The following AGBL4 variants were observed in gnomAD, a reference collection of about 807,000 sequenced individuals.
AGBL4 encodes AGBL carboxypeptidase 4, also known as cytosolic carboxypeptidase 6.
In AGBL4, 58 loss-of-function variants were observed where a neutral mutation model predicts 66.4. The ratio of observed to expected loss-of-function variants is 0.87; its 90% CI spans 0.71 to 1.09. AGBL4 has a LOEUF of 1.09. AGBL4 is among the 50% of genes least tolerant of loss of function. AGBL4 has a pLI of 0.00. For missense variants in AGBL4, 579 were observed against 631.0 expected (o/e 0.92, Z 0.88); for synonymous variants, 234 against 222.9 (o/e 1.05, Z -0.44).
intron 3 of AGBL4, among the ~76,000 whole-genome samples, chr1:49,687,398 T>C (rs924174900): frequency 6.6e-6 from 1 of 152,136 alleles, no homozygotes; most frequent in South Asian, 2.1e-4. Flanking sequence ...AACTTAATAA[T>C]AGGAATAGTT....
rs1333073848 is a variant in AGBL4, at chr1:49,357,775, G to A, written c.283-111911C>T. ...TCTTTAGAGTATTCGTGAAAAATAAGGAGAAACAGTACTTGGCACTCAGTA... is the reference window on the plus strand; with the variant it reads ...TCTTTAGAGTATTCGTGAAAAATAAAGAGAAACAGTACTTGGCACTCAGTA... On this transcript the variant is annotated intron_variant, in intron 3 of 13. Coordinates refer to ENST00000371839, the MANE Select transcript of AGBL4 (RefSeq NM_032785.4). Among the ~76,000 whole-genome samples the A allele has an allele frequency of 2.0e-5, 3 of 152,260 alleles. No individual in the cohort carries two copies. In the East Asian group the frequency reaches 5.8e-4, roughly 29 times the overall value.
chr1:49,036,777 G>T (rs1443841461), intron 5 of AGBL4, among the ~76,000 whole-genome samples: 2 of 149,736 alleles, frequency 1.3e-5, no homozygotes, highest in Non-Finnish European at 3.0e-5. Context: ...GCCCAGGCTG[G>T]TCTTGAACTC....
chr1:49,640,284 T>C (rs1294945295), intron 3 of AGBL4, among the ~76,000 whole-genome samples: 1 of 152,152 alleles, frequency 6.6e-6, no homozygotes, highest in South Asian at 2.1e-4. Flanking sequence ...GTGATGGGGA[T>C]TTAAACAATG....
chr1:49,257,445 G>A (rs139977344), intron 3 of AGBL4: 2 of 156,146 alleles, frequency 1.3e-5, no homozygotes, highest in East Asian at 1.9e-4. Flanking sequence ...AGCAATCAGC[G>A]AGACTCCGTG....
chr1:49,341,466 G>A (rs1394899457), intron 3 of AGBL4, among the ~76,000 whole-genome samples: 1 of 152,172 alleles, frequency 6.6e-6, no homozygotes, highest in African/African-American at 2.4e-5. Context: ...CAAGATGCTT[G>A]TTGAACTTGG....
intron 2 of AGBL4, chr1:49,846,039 C>T: frequency 1.3e-6 from 2 of 1,592,212 alleles, no homozygotes; most frequent in Non-Finnish European, 1.7e-6. Context: ...AGTCAGCTTG[C>T]TCCCCTCATT....
At chr1:49,101,641 T>C (rs1364956571) in intron 4 of AGBL4, among the ~76,000 whole-genome samples, 1 of 152,154 alleles carries the variant, frequency 6.6e-6, no homozygotes, top group Non-Finnish European at 1.5e-5. Flanking sequence ...TGAAATTTAG[T>C]AGGGGTGTGG....
Position 49,516,040 on chromosome 1 carries a change from TA to T in AGBL4, c.282+181272del, listed in dbSNP as rs897805800. Among the ~76,000 whole-genome samples, 453 of 135,142 alleles carry T rather than the reference TA, an allele frequency of 3.4e-3. 1 individual carries two copies. Among genetic ancestry groups the T allele is most frequent in the South Asian group, 0.011 (48 of 4,252 alleles). The allele number at this position is 135,142 out of a possible 152,430, so 88.7% of individuals were successfully genotyped here. ...GTACCCTAAAACTTAAAGTATAATT[TA>T]AAAAAAAAAAAGAATCAAGACTGCC... is the stretch of plus-strand genomic sequence containing the variant. On this transcript the variant is annotated intron_variant, in intron 3 of 13. Transcript: ENST00000371839.
chr1:49,732,942 G>C (rs187915967), intron 2 of AGBL4, among the ~76,000 whole-genome samples: 29 of 151,886 alleles, frequency 1.9e-4, no homozygotes, highest in Admixed American at 7.9e-4. Flanking sequence ...AAAATAAAGA[G>C]ACATAAACCT....
At chr1:48,587,379 G>T (rs143804447) in intron 10 of AGBL4, among the ~76,000 whole-genome samples, 1 of 151,992 alleles carries the variant, frequency 6.6e-6, no homozygotes, top group African/African-American at 2.4e-5. Flanking sequence ...GCCACTCAAC[G>T]AATATTTGTG....
chr1:48,593,825 C>T (rs1024499794), intron 9 of AGBL4, among the ~76,000 whole-genome samples: 2 of 152,102 alleles, frequency 1.3e-5, no homozygotes, highest in African/African-American at 2.4e-5. Context: ...TGTGCATTTG[C>T]ATTTCTGATT....
At chr1:48,623,487 C>T (rs1645449540) in intron 9 of AGBL4, among the ~76,000 whole-genome samples, 1 of 152,214 alleles carries the variant, frequency 6.6e-6, no homozygotes, top group African/African-American at 2.4e-5. Context: ...TAGCCTGGTC[C>T]TTTTCTTATC....
chr1:49,187,458 G>C (rs1647036047), intron 4 of AGBL4: 1 of 152,132 alleles, frequency 6.6e-6, no homozygotes, highest in Non-Finnish European at 1.5e-5. Flanking sequence ...CATATGCGGA[G>C]ACACACAACC....
intron 3 of AGBL4, among the ~76,000 whole-genome samples, chr1:49,601,671 C>A (rs1260896339): frequency 6.6e-6 from 1 of 152,068 alleles, no homozygotes; most frequent in African/African-American, 2.4e-5. Context: ...TGAAACTGGA[C>A]CCCTTCCCTA....
intron 3 of AGBL4, among the ~76,000 whole-genome samples, chr1:49,506,429 C>T (rs1424097884): frequency 2.0e-5 from 3 of 152,008 alleles, no homozygotes; most frequent in Non-Finnish European, 4.4e-5. Flanking sequence ...GTGGGAGGGA[C>T]CCAGTGGGCG....
intron 11 of AGBL4, among the ~76,000 whole-genome samples, chr1:48,547,537 C>T (rs1043076876): frequency 1.3e-5 from 2 of 151,930 alleles, no homozygotes; most frequent in Non-Finnish European, 2.9e-5. Context: ...GAGGTCAGTT[C>T]GGAGCATGTT....
intron 1 of AGBL4, among the ~76,000 whole-genome samples, chr1:49,896,311 A>G (rs1162723870): frequency 1.3e-5 from 2 of 152,034 alleles, no homozygotes; most frequent in Non-Finnish European, 2.9e-5. Context: ...TGCTTTCAGC[A>G]TCAGAGAGAT....
At chr1:49,468,669 A>G (rs543589635) in intron 3 of AGBL4, among the ~76,000 whole-genome samples, 2 of 151,856 alleles carry the variant, frequency 1.3e-5, no homozygotes, top group South Asian at 2.1e-4. Flanking sequence ...TTTTTTTACA[A>G]TTCACTATGC....
At chr1:48,923,384 T>G (rs1297739597) in intron 5 of AGBL4, among the ~76,000 whole-genome samples, 1 of 152,064 alleles carries the variant, frequency 6.6e-6, no homozygotes, top group Non-Finnish European at 1.5e-5. Context: ...TCTCAAAGGG[T>G]CTGGCAGAGC....
Sources: gnomAD v4.1 joint callset for allele counts (sites outside exome capture counted in the v4.1 genomes callset) on GRCh38, gnomAD v4.1.1 for gene constraint, MANE v1.5 for transcripts, NCBI Gene and HGNC (gene_info 2026-07-23, HGNC 2026-07-21) for gene names.